EFR3B: variants seen among roughly 807,000 people sequenced by gnomAD.
The protein encoded by EFR3B is EFR3 homolog B, also known as protein EFR3 homolog B.
Under a neutral mutation model 104.7 loss-of-function variants are expected in EFR3B, and 64 were observed. The ratio of observed to expected loss-of-function variants is 0.61; its 90% CI spans 0.50 to 0.75. The LOEUF (loss-of-function observed/expected upper bound fraction) is 0.75, where lower values mean the gene tolerates loss of function less well. Ranked by LOEUF, EFR3B falls within the 30% of genes least tolerant of loss-of-function variation. The pLI is 0.00. For synonymous variants in EFR3B, 385 were observed against 417.9 expected, an observed-to-expected ratio of 0.92 and a Z score of 0.96; for missense variants, 750 against 1,078.5, an observed-to-expected ratio of 0.70 and a Z score of 4.27.
chr2:25,052,301 A>C (rs1667893199), intron 1 of EFR3B, among the ~76,000 whole-genome samples: 1 of 151,894 alleles, frequency 6.6e-6, no homozygotes, highest in Non-Finnish European at 1.5e-5. Context: ...CTGCATCTTT[A>C]GGGCACAGAA....
At chr2:25,132,817 C>A in intron 10 of EFR3B, 86 bp from the exon 11 acceptor site, 1 of 1,117,438 alleles carries the variant, frequency 8.9e-7, no homozygotes, top group East Asian at 2.6e-5. Flanking sequence ...GAGAGGCAGC[C>A]CTCGCTCTCT....
chr2:25,047,947 A>T (rs1340636142), intron 1 of EFR3B, among the ~76,000 whole-genome samples: 1 of 152,270 alleles, frequency 6.6e-6, no homozygotes, highest in Non-Finnish European at 1.5e-5. Flanking sequence ...TAGAAAATAC[A>T]GTAAACTATA....
chr2:25,127,191 C>CAAAAAAAAAAAAAAAAAAAAA (rs57818903), intron 5 of EFR3B, among the ~76,000 whole-genome samples: 1 of 51,736 alleles, frequency 1.9e-5, no homozygotes, highest in Non-Finnish European at 3.5e-5. Flanking sequence ...GACTCCACCT[C>CAAAAAAAAAAAAAAAAAAAAA]AAAAAAAAAA....
At chr2:25,099,764 G>A (rs1263144368) in intron 3 of EFR3B, among the ~76,000 whole-genome samples, 1 of 151,714 alleles carries the variant, frequency 6.6e-6, no homozygotes, top group Non-Finnish European at 1.5e-5. Context: ...AAACTGGGTA[G>A]CTGTCCCAGG....
chr2:25,056,001 A>G (rs1260834463), intron 1 of EFR3B, among the ~76,000 whole-genome samples: 1 of 152,194 alleles, frequency 6.6e-6, no homozygotes, highest in African/African-American at 2.4e-5. Context: ...TAAGAGTCCA[A>G]ATGTTTGCAT....
chr2:25,118,585 G>A (rs758812153), intron 4 of EFR3B, among the ~76,000 whole-genome samples: 9 of 151,952 alleles, frequency 5.9e-5, no homozygotes, highest in Non-Finnish European at 8.8e-5. Context: ...AACTATGTGA[G>A]GTGTTACGTT....
Position 25,131,003 on chromosome 2 carries a change from G to A in EFR3B, c.850-365G>A, listed in dbSNP as rs538237802. ...ACCAATATCAGACCTATCTTGAATG[G>A]GCACCAGCCCAGGGGCCCCACTTTA... On this transcript the variant is annotated intron_variant, in intron 8 of 22. Coordinates refer to ENST00000403714, the MANE Select transcript of EFR3B (RefSeq NM_014971.2). This position sits in a 1 kb window ranked among gnomAD's most constrained non-coding sequence, Gnocchi z 7.6. 1.4e-4 allele frequency among the ~76,000 whole-genome samples: 22 copies of A among 152,284 alleles called. No individual in the cohort carries two copies. The highest frequency in any genetic ancestry group is 1.3e-3 in the East Asian group (7 of 5,186).
chr2:25,081,762 A>G (rs1415343400), intron 1 of EFR3B: 5 of 441,908 alleles, frequency 1.1e-5, no homozygotes, highest in Non-Finnish European at 1.6e-5. Context: ...AGATTTTAAA[A>G]TCAGTGTGAG....
chr2:25,077,877 T>C (rs1415859675), intron 1 of EFR3B, among the ~76,000 whole-genome samples: 2 of 152,220 alleles, frequency 1.3e-5, no homozygotes, highest in Non-Finnish European at 2.9e-5. Flanking sequence ...GGGAACCTTT[T>C]TGTTTTTCTT....
intron 1 of EFR3B, among the ~76,000 whole-genome samples, chr2:25,060,555 G>A (rs941622912): frequency 6.6e-6 from 1 of 152,136 alleles, no homozygotes; most frequent in Non-Finnish European, 1.5e-5. Context: ...CAAAATTGGA[G>A]TACCTGTTAG....
In EFR3B at chr2:25,051,637, G is replaced by GTGT. The variant is rs1553383964; in HGVS notation, c.7+9319_7+9320insGTT. Among the ~76,000 whole-genome samples, 136 of 136,742 alleles carry GTGT rather than the reference G, an allele frequency of 9.9e-4. 1 individual carries two copies. The highest frequency in any genetic ancestry group is 3.7e-3 in the African/African-American group (132 of 36,086). 89.7% of individuals were successfully genotyped at this position (136,742 alleles called of 152,430 possible). A position where few individuals can be genotyped will look rare whatever the true frequency, so the allele number is the denominator to read the frequency against. Reference sequence around the variant, plus strand: ...ACATTTCTCTTTTGTGTGTGTGTGTGTTTTTTTTTTTTTTTTCAGACACAG... The same window carrying GTGT: ...ACATTTCTCTTTTGTGTGTGTGTGTGTGTTTTTTTTTTTTTTTTTCAGACACAG... On this transcript the variant is annotated intron_variant, in intron 1 of 22. Coordinates refer to ENST00000403714, the MANE Select transcript of EFR3B (RefSeq NM_014971.2).
chr2:25,043,072 G>A (rs552527817), intron 1 of EFR3B, among the ~76,000 whole-genome samples: 25 of 152,290 alleles, frequency 1.6e-4, no homozygotes, highest in Middle Eastern at 3.4e-3. Flanking sequence ...GGGTGAAGAA[G>A]AGAGAGCGCG....
chr2:25,157,316 A>G lies in EFR3B; in HGVS notation c.*2976A>G, dbSNP rs972376201. The G allele has an allele frequency of 1.3e-5, 2 of 152,156 alleles. No homozygotes were observed. The highest frequency in any genetic ancestry group is 2.9e-5 in the Non-Finnish European group (2 of 68,048). 9.4% of individuals were successfully genotyped at this position (152,156 alleles called of 1,614,324 possible). On this transcript the variant is annotated 3_prime_UTR_variant, in exon 23 of 23. Coordinates refer to ENST00000403714, the MANE Select transcript of EFR3B (RefSeq NM_014971.2). ...CTGGATTCTGGCCAAATAGGCCAGA[A>G]TCGGAAAGGTGAAGGTGAGTGTGAT...
At chr2:25,123,930 C>T (rs981622197) in intron 5 of EFR3B, among the ~76,000 whole-genome samples, 3 of 152,220 alleles carry the variant, frequency 2.0e-5, no homozygotes, top group African/African-American at 7.2e-5. Context: ...GAGGTTGGCT[C>T]CCAGCCACCA....
chr2:25,053,226 T>G (rs1174218592), intron 1 of EFR3B, among the ~76,000 whole-genome samples: 2 of 152,240 alleles, frequency 1.3e-5, no homozygotes, highest in Non-Finnish European at 2.9e-5. Context: ...TCTGGATCAC[T>G]TCTCTCACTT....
intron 1 of EFR3B, among the ~76,000 whole-genome samples, chr2:25,073,809 C>G (rs1310258623): frequency 6.6e-6 from 1 of 152,192 alleles, no homozygotes; most frequent in African/African-American, 2.4e-5. Flanking sequence ...TCCTGTTCTC[C>G]TGGTAGGCCC....
chr2:25,112,172 G>A (rs1176369454), intron 4 of EFR3B, among the ~76,000 whole-genome samples: 2 of 152,222 alleles, frequency 1.3e-5, no homozygotes, highest in African/African-American at 4.8e-5. Flanking sequence ...CAGCACTTTG[G>A]TTCAAAAATC....
rs187567193 is a variant in EFR3B at position 25,095,709 on chromosome 2, A to G, written c.212+2579A>G. Among the ~76,000 whole-genome samples the G allele has an allele frequency of 3.9e-5, 6 of 152,190 alleles. No individual in the cohort carries two copies. In the East Asian group the frequency reaches 7.7e-4, roughly 20 times the overall value. On this transcript the variant is annotated intron_variant, in intron 3 of 22. Coordinates refer to ENST00000403714, the MANE Select transcript of EFR3B (RefSeq NM_014971.2). ...AGACCCTGTCTCAAAAACAACAACA[A>G]AAAAGAATGTACCAATATGTTAGGA...
chr2:25,068,504 G>A (rs2149173085), intron 1 of EFR3B, among the ~76,000 whole-genome samples: 1 of 152,246 alleles, frequency 6.6e-6, no homozygotes, highest in Admixed American at 6.5e-5. Flanking sequence ...TCATCCTGGG[G>A]CACAAGCATA....
Sources: allele counts gnomAD v4.1 joint callset (sites outside exome capture counted in the v4.1 genomes callset), GRCh38; gene constraint gnomAD v4.1.1; non-coding constraint Gnocchi (gnomAD v3.1); transcripts MANE v1.5; gene names NCBI Gene and HGNC (gene_info 2026-07-23, HGNC 2026-07-21).